The following DNAH17 variants were observed in gnomAD, a reference collection of about 807,000 sequenced individuals.
DNAH17 encodes the protein dynein axonemal heavy chain 17.
DNAH17 carries 376 observed loss-of-function variants against 485.6 expected under a neutral mutation model. The ratio of observed to expected loss-of-function variants is 0.77; its 90% CI spans 0.71 to 0.84. The LOEUF (loss-of-function observed/expected upper bound fraction) is 0.84. Among genes scored for constraint, DNAH17 ranks in the 40% least tolerant of loss-of-function variants. The pLI is 0.00. For synonymous variants in DNAH17, 3,031 were observed against 2,405.9 expected, an observed-to-expected ratio of 1.26 and a Z score of -7.60; for missense variants, 6,370 against 5,839.3, an observed-to-expected ratio of 1.09 and a Z score of -2.96.
chr17:78,550,487 G>A (rs1416471093), intron 16 of DNAH17, among the ~76,000 whole-genome samples: 5 of 25,162 alleles, frequency 2.0e-4, no homozygotes, highest in Non-Finnish European at 3.9e-4. Context: ...TTAATATGAG[G>A]TCATTAGTGT....
At chr17:78,542,574 A>G (rs1192367295) in intron 17 of DNAH17, among the ~76,000 whole-genome samples, 1 of 152,196 alleles carries the variant, frequency 6.6e-6, no homozygotes, top group African/African-American at 2.4e-5. Flanking sequence ...GGAGGATATG[A>G]AAACCCCTAC....
At chr17:78,484,751 GCC>G in intron 48 of DNAH17, 115 bp downstream of exon 48, 1 of 135,818 alleles carries the variant, frequency 7.4e-6, no homozygotes. Flanking sequence ...CCCCCCCACC[GCC>G]CCACACCAGT....
chr17:78,490,961 C>T, intron 43 of DNAH17, 114 bp from the exon 44 acceptor site: 1 of 1,300,050 alleles, frequency 7.7e-7, no homozygotes, highest in Admixed American at 2.7e-5. Flanking sequence ...GGGGCCCAGG[C>T]CAGCCCTGCC....
intron 75 of DNAH17, among the ~76,000 whole-genome samples, chr17:78,430,438 G>T (rs1030311742): frequency 6.6e-6 from 1 of 152,216 alleles, no homozygotes; most frequent in African/African-American, 2.4e-5. Context: ...GGGCGAGGCA[G>T]ATGTTTTCAT....
chr17:78,498,801 A>G, intron 37 of DNAH17: 1 of 433,364 alleles, frequency 2.3e-6, no homozygotes, highest in Non-Finnish European at 4.1e-6. Context: ...CCATACATGT[A>G]ACCTGTAATC....
chr17:78,527,863 C>T (rs2091120239), intron 22 of DNAH17, among the ~76,000 whole-genome samples: 1 of 152,170 alleles, frequency 6.6e-6, no homozygotes, highest in South Asian at 2.1e-4. Context: ...ACCACAACCG[C>T]TGCCTTCTGG....
chr17:78,444,838 AC>A (rs1568059812), intron 70 of DNAH17, 41 bp from the exon 71 acceptor site: 1 of 1,525,474 alleles, frequency 6.6e-7, no homozygotes, highest in South Asian at 1.3e-5. Context: ...CTTCCCACTT[AC>A]CCGGGTCCCG....
At chr17:78,576,670 C>T (rs547039744) in intron 1 of DNAH17, among the ~76,000 whole-genome samples, 1 of 152,270 alleles carries the variant, frequency 6.6e-6, no homozygotes, top group East Asian at 1.9e-4. Flanking sequence ...GATTGGAAGT[C>T]TCGCCAAGCT....
At chr17:78,436,004 T>C (rs1255012688) in intron 74 of DNAH17, among the ~76,000 whole-genome samples, 1 of 152,224 alleles carries the variant, frequency 6.6e-6, no homozygotes, top group Non-Finnish European at 1.5e-5. Context: ...AAAAGCTGGT[T>C]GGGAATTGTT....
At chr17:78,538,472 G>T (rs931098073) in intron 18 of DNAH17, among the ~76,000 whole-genome samples, 1 of 152,214 alleles carries the variant, frequency 6.6e-6, no homozygotes, top group Non-Finnish European at 1.5e-5. Context: ...AGTCCCCATT[G>T]GACCTGTGGG....
chr17:78,436,326 C>T (rs372183143), intron 74 of DNAH17, among the ~76,000 whole-genome samples: 1 of 151,958 alleles, frequency 6.6e-6, no homozygotes, highest in East Asian at 1.9e-4. Context: ...TACTTGGGAG[C>T]CTGAGGCAGC....
intron 3 of DNAH17, 129 bp downstream of exon 3, chr17:78,572,572 C>T: frequency 1.1e-6 from 1 of 894,698 alleles, no homozygotes; most frequent in South Asian, 1.7e-5. Context: ...ATTTCCCCGG[C>T]TTTAACATGT....
chr17:78,537,152 T>G (rs1598666380), intron 19 of DNAH17, 147 bp downstream of exon 19: 1 of 956,284 alleles, frequency 1.0e-6, no homozygotes, highest in Non-Finnish European at 1.5e-6. Context: ...CACTCCAGCC[T>G]GGGCGACAGA....
intron 52 of DNAH17, among the ~76,000 whole-genome samples, 166 bp downstream of exon 52, chr17:78,476,406 C>T (rs901746931): frequency 2.0e-5 from 3 of 151,716 alleles, no homozygotes; most frequent in Admixed American, 2.0e-4. Context: ...GTGGAACCCT[C>T]GGATCCACAG....
intron 26 of DNAH17, among the ~76,000 whole-genome samples, chr17:78,512,306 C>T (rs563228431): frequency 6.6e-6 from 1 of 152,280 alleles, no homozygotes; most frequent in South Asian, 2.1e-4. Context: ...CTGTCCCAGC[C>T]TTTCTGCTTG....
Position 78,525,117 on chromosome 17 carries a change from C to T in DNAH17, c.3756G>A (p.Leu1252=), listed in dbSNP as rs1210272122. The T allele has an allele frequency of 5.0e-6, 8 of 1,613,674 alleles. No individual in the cohort carries two copies. The highest frequency in any genetic ancestry group is 5.9e-6 in the Non-Finnish European group (7 of 1,179,876). ...ISAMEGIMEA[L]SKSGGLFEVP... The stretch of plus-strand genomic sequence containing the variant: ...CCTCGAACAGGCCCCCGGACTTGGA[C>T]AGCGCCTCCATGATGCCTTCCATGG... The change falls in exon 25 of 81, where the codon CTG becomes CTA. Residue 1252 remains leucine (L), a synonymous_variant. Transcript: ENST00000389840.
chr17:78,512,602 A>G (rs993575751), intron 26 of DNAH17, among the ~76,000 whole-genome samples: 3 of 152,074 alleles, frequency 2.0e-5, no homozygotes, highest in African/African-American at 7.2e-5. Flanking sequence ...CAGGAAATAA[A>G]TTTGCCAAGG....
chr17:78,429,973 G>C (rs189279472), intron 75 of DNAH17, among the ~76,000 whole-genome samples: 5 of 152,176 alleles, frequency 3.3e-5, no homozygotes, highest in Non-Finnish European at 5.9e-5. Context: ...CTTAGGGAAC[G>C]AAGACCAAAC....
intron 54 of DNAH17, chr17:78,472,826 G>C (rs55955947): frequency 2.3e-6 from 1 of 436,740 alleles, no homozygotes; most frequent in Non-Finnish European, 4.7e-6. Flanking sequence ...TTGTGCCCCA[G>C]CTCCACCCAG....
Sources: allele counts gnomAD v4.1 joint callset (sites outside exome capture counted in the v4.1 genomes callset), GRCh38; gene constraint gnomAD v4.1.1; transcripts MANE v1.5; gene names NCBI Gene and HGNC (gene_info 2026-07-23, HGNC 2026-07-21).